Variants in KRT75 observed in about 807,000 individuals in gnomAD.
The protein encoded by KRT75 is keratin, type II cytoskeletal 75.
A neutral mutation model predicts 48.8 loss-of-function variants in KRT75; 35 were observed. The ratio of observed to expected loss-of-function variants is 0.72; its 90% CI spans 0.55 to 0.95. The LOEUF (loss-of-function observed/expected upper bound fraction) is 0.95, where lower values mean the gene tolerates loss of function less well. Ranked by LOEUF, KRT75 falls within the 40% of genes least tolerant of loss-of-function variation. The probability of loss-of-function intolerance (pLI) is 0.00; values close to 1 mark genes in which losing one functional copy is unlikely to be tolerated. For synonymous variants in KRT75, 301 were observed against 282.3 expected, an observed-to-expected ratio of 1.07 and a Z score of -0.66; for missense variants, 776 against 709.9, an observed-to-expected ratio of 1.09 and a Z score of -1.06.
At position 52,424,349 on chromosome 12, in the gene KRT75, G is replaced by C; in HGVS notation, c.*168C>G. The C allele has an allele frequency of 1.3e-6, 1 of 746,942 alleles. No individual in the cohort carries two copies. The highest frequency in any genetic ancestry group is 1.5e-5 in the South Asian group (1 of 67,884). 46.3% of individuals were successfully genotyped at this position (746,942 alleles called of 1,614,324 possible). A position where few individuals can be genotyped will look rare whatever the true frequency, so the allele number is the denominator to read the frequency against. Reference sequence around the variant, plus strand: ...GGGTGCTGCTGGCAGTCTGGGCACTGTCAGGAGGGAGAGGCTGGCTTAGGC... The same window carrying C: ...GGGTGCTGCTGGCAGTCTGGGCACTCTCAGGAGGGAGAGGCTGGCTTAGGC... On this transcript the variant is annotated 3_prime_UTR_variant, in exon 9 of 9. Transcript: ENST00000252245.
chr12:52,431,194 C>CTT (rs5798211), intron 4 of KRT75, among the ~76,000 whole-genome samples: 2 of 146,584 alleles, frequency 1.4e-5, no homozygotes, highest in African/African-American at 5.0e-5. Flanking sequence ...GACAGCTTGC[C>CTT]TTTTTTTTTT....
Position 52,432,407 on chromosome 12 carries a change from A to T in KRT75, c.714-341T>A, listed in dbSNP as rs769257186. Among the ~76,000 whole-genome samples the T allele has an allele frequency of 2.0e-5, 3 of 152,326 alleles. No individual in the cohort carries two copies. The South Asian group carries it at 6.2e-4, about 32-fold the overall frequency. On this transcript the variant is annotated intron_variant, in intron 2 of 8. Coordinates refer to ENST00000252245, the MANE Select transcript of KRT75 (RefSeq NM_004693.3). The stretch of plus-strand genomic sequence containing the variant: ...CTACCGAAATCGTGGAGTAAACTTT[A>T]TCTGTTCAGCAGGCTGTTTCGGGTA...
At chr12:52,426,977 G>A in intron 7 of KRT75, 126 bp from the exon 8 acceptor site, 3 of 770,970 alleles carry the variant, frequency 3.9e-6, no homozygotes, top group Non-Finnish European at 4.5e-6. Context: ...TATTGCAGAA[G>A]TAATGCAGGT....
chr12:52,424,462 C>T lies in KRT75; in HGVS notation c.*55G>A. ...GAGGAAGGAGGAGGACCCTGGTGTC[C>T]AGGTGTGACTGCAAACAGGCCTCAA... On this transcript the variant is annotated 3_prime_UTR_variant, in exon 9 of 9. Coordinates refer to ENST00000252245, the MANE Select transcript of KRT75 (RefSeq NM_004693.3). The T allele has an allele frequency of 1.4e-6, 2 of 1,475,362 alleles. No individual in the cohort carries two copies. Among genetic ancestry groups the T allele is most frequent in the Non-Finnish European group, 1.9e-6 (2 of 1,053,402 alleles). 91.4% of individuals were successfully genotyped at this position (1,475,362 alleles called of 1,614,324 possible). A position where few individuals can be genotyped will look rare whatever the true frequency, so the allele number is the denominator to read the frequency against.
chr12:52,434,042 G>T lies in KRT75; in HGVS notation c.263C>A (p.Ala88Asp). The change falls in exon 1 of 9, where the codon GCC becomes GAC. Residue 88 changes from alanine (A) to aspartate (D), a missense_variant. By Grantham distance (126) the Ala-to-Asp change is moderately radical. Transcript: ENST00000252245. ...SSCRSGFGGR[A>D]SNRFGVNSGF... ...ACTGTTGACTCCAAACCTGTTGCTG[G>T]CCCTGCCACCAAAGCCACTTCGGCA... 1 of 1,614,106 alleles carries T rather than the reference G, an allele frequency of 6.2e-7. No homozygotes were observed.
At chr12:52,428,169 C>T (rs1231876977) in intron 7 of KRT75, 87 bp downstream of exon 7, 2 of 1,523,214 alleles carry the variant, frequency 1.3e-6, no homozygotes, top group Non-Finnish European at 9.1e-7. Flanking sequence ...GAAGAAGGGG[C>T]TGCAACAGCC....
In KRT75 at chr12:52,433,851, G is replaced by T; in HGVS notation, c.454C>A (p.Gln152Lys). The change falls in exon 1 of 9, where the codon CAG (glutamine) becomes AAG (lysine). Residue 152 changes from glutamine (Q) to lysine (K), a missense_variant. By Grantham distance (53) the Gln-to-Lys change is moderately conservative. Transcript: ENST00000252245. ...AACTTATTGTTGAGGGTCTTGATCTGCTCGCGCTCCTCGGCCCGCACCCGC... is the reference window on the plus strand; with the variant it reads ...AACTTATTGTTGAGGGTCTTGATCTTCTCGCGCTCCTCGGCCCGCACCCGC... ...IQRVRAEERE[Q>K]IKTLNNKFAS... The T allele has an allele frequency of 6.2e-7, 1 of 1,614,182 alleles. No homozygotes were observed. Among genetic ancestry groups the T allele is most frequent in the Non-Finnish European group, 8.5e-7 (1 of 1,180,034 alleles).
intron 5 of KRT75, among the ~76,000 whole-genome samples, chr12:52,429,101 C>T (rs546490963): frequency 6.6e-5 from 10 of 152,022 alleles, no homozygotes; most frequent in Non-Finnish European, 1.5e-4. Flanking sequence ...ACCTAAGTGA[C>T]CAGTTGTGGG....
chr12:52,428,684 T>C lies in KRT75; in HGVS notation c.1095A>G (p.Gln365=), dbSNP rs1453394221. 3 of 1,614,066 alleles carry C rather than the reference T, an allele frequency of 1.9e-6. No homozygotes were observed. The highest frequency in any genetic ancestry group is 2.5e-6 in the Non-Finnish European group (3 of 1,180,048). ...RHGDDLRNTK[Q]EISEMNRMIQ... ...TCATGCGGTTCATTTCAGAGATCTC[T>C]TGTTTGGTGTTTCGAAGGTCATCCC... The change falls in exon 6 of 9, where the codon CAA becomes CAG. Residue 365 remains glutamine (Q), a synonymous_variant. Transcript: ENST00000252245.
At position 52,433,937 on chromosome 12, in the gene KRT75, T is replaced by A. The variant is rs1339037680; in HGVS notation, c.368A>T (p.Glu123Val). Residue 123 changes from glutamate (E) to valine (V), a missense_variant, in exon 1 of 9, where the codon GAG becomes GTG. By Grantham distance (121) the Glu-to-Val change is moderately radical. Coordinates refer to ENST00000252245, the MANE Select transcript of KRT75 (RefSeq NM_004693.3). Reference sequence around the variant, plus strand: ...CAGGAGACTCTGGTTGACAGTGACCTCTTGGATGCCTCCAGGGGGACACAC... The same window carrying A: ...CAGGAGACTCTGGTTGACAGTGACCACTTGGATGCCTCCAGGGGGACACAC... ...FPVCPPGGIQ[E>V]VTVNQSLLTP... The A allele has an allele frequency of 2.5e-6, 4 of 1,614,158 alleles. No individual in the cohort carries two copies. In the South Asian group the frequency reaches 3.3e-5, roughly 13 times the overall value.
At position 52,424,633 on chromosome 12, in the gene KRT75, C is replaced by T. The variant is rs1266520884; in HGVS notation, c.1540G>A (p.Ala514Thr). 2 of 1,614,198 alleles carry T rather than the reference C, an allele frequency of 1.2e-6. No individual in the cohort carries two copies. Among genetic ancestry groups the T allele is most frequent in the South Asian group, 1.1e-5 (1 of 91,084 alleles). The part of the protein sequence containing the change: ...FTTSGGHSLG[A>T]GLGGSGFSAT... ...CTGAATCCAGAACCTCCCAGGCCTG[C>T]ACCCAGGCTATGCCCACCACTGGTG... The change falls in exon 9 of 9, where the codon GCA (alanine) becomes ACA (threonine). Residue 514 changes from alanine to threonine, a missense_variant. Physicochemically the swap from Ala to Thr is moderately conservative, Grantham distance 58 (BLOSUM62 0). Transcript: ENST00000252245.
At chr12:52,433,510 C>A (rs1240284976) in intron 1 of KRT75, among the ~76,000 whole-genome samples, 2 of 152,146 alleles carry the variant, frequency 1.3e-5, no homozygotes, top group Non-Finnish European at 2.9e-5. Flanking sequence ...CTCAACACCA[C>A]CTACTCTGGG....
At position 52,431,859 on chromosome 12, in the gene KRT75, G is replaced by A. The variant is rs1468089571; in HGVS notation, c.774+147C>T. ...GGGCTAATGGGGCCATCAACGTAGAGGGAACATGTTGGGAGGTTTGAACTC... is the reference window on the plus strand; with the variant it reads ...GGGCTAATGGGGCCATCAACGTAGAAGGAACATGTTGGGAGGTTTGAACTC... On this transcript the variant is annotated intron_variant, in intron 3 of 8. Transcript: ENST00000252245. 7.2e-6 allele frequency: 6 copies of A among 838,640 alleles called. No homozygotes were observed. The East Asian group carries it at 1.6e-4, about 22-fold the overall frequency. 51.9% of individuals were successfully genotyped at this position (838,640 alleles called of 1,614,324 possible).
At position 52,428,717 on chromosome 12, in the gene KRT75, G is replaced by A; in HGVS notation, c.1062C>T (p.Gly354=). 1 of 1,614,146 alleles carries A rather than the reference G, an allele frequency of 6.2e-7. No individual in the cohort carries two copies. Among genetic ancestry groups the A allele is most frequent in the Non-Finnish European group, 8.5e-7 (1 of 1,180,046 alleles). ...TKYEELQVTA[G]RHGDDLRNTK... ...TGTTTCGAAGGTCATCCCCATGTCT[G>A]CCTGCGGTGACCTGCAGCTCCTCGT... The change falls in exon 6 of 9, where the codon GGC becomes GGT. Residue 354 remains glycine, a synonymous_variant. Transcript: ENST00000252245.
chr12:52,425,491 G>C (rs1429065727), intron 8 of KRT75, among the ~76,000 whole-genome samples: 1 of 152,218 alleles, frequency 6.6e-6, no homozygotes, highest in East Asian at 1.9e-4. Context: ...GGTGGGCCCT[G>C]ATCTAACATG....
chr12:52,432,020 C>A lies in KRT75; in HGVS notation c.760G>T (p.Val254Leu), dbSNP rs200168226. 7.0e-5 allele frequency: 113 copies of A among 1,614,192 alleles called. 1 individual carries two copies. In the East Asian group the frequency reaches 2.5e-3, roughly 36 times the overall value. ...TCCCCACTCACCTTTTTCAGGGCTACAAATTCATTCTCAGCAGCTGTGCGC... is the reference window on the plus strand; with the variant it reads ...TCCCCACTCACCTTTTTCAGGGCTAAAAATTCATTCTCAGCAGCTGTGCGC... The part of the protein sequence containing the change: ...NKRTAAENEF[V>L]ALKKDVDAAY... The change falls in exon 3 of 9, where the codon GTA (valine) becomes TTA (leucine). Residue 254 changes from valine (V) to leucine (L), a missense_variant. By Grantham distance (32) the Val-to-Leu change is conservative. Coordinates refer to ENST00000252245, the MANE Select transcript of KRT75 (RefSeq NM_004693.3).
chr12:52,429,196 T>C (rs1940112422), intron 5 of KRT75, among the ~76,000 whole-genome samples: 1 of 152,126 alleles, frequency 6.6e-6, no homozygotes. Context: ...AGTGAGACGG[T>C]GATTTGATCA....
chr12:52,430,202 G>A (rs1278141657), intron 5 of KRT75, among the ~76,000 whole-genome samples: 1 of 152,014 alleles, frequency 6.6e-6, no homozygotes. Flanking sequence ...GCATACAGCA[G>A]GAGCTCAGAA....
At chr12:52,426,651 A>G (rs751353684) in intron 8 of KRT75, among the ~76,000 whole-genome samples, 166 bp downstream of exon 8, 1 of 152,204 alleles carries the variant, frequency 6.6e-6, no homozygotes, top group South Asian at 2.1e-4. Flanking sequence ...GACTCCTAAT[A>G]TGGCTTGCTT....
Sources: allele counts gnomAD v4.1 joint callset (sites outside exome capture counted in the v4.1 genomes callset), GRCh38; gene constraint gnomAD v4.1.1; transcripts MANE v1.5; gene names NCBI Gene and HGNC (gene_info 2026-07-23, HGNC 2026-07-21).